Variants in TMEM192 observed in about 807,000 individuals in gnomAD.
TMEM192 encodes transmembrane protein 192.
TMEM192 carries 20 observed loss-of-function variants against 26.7 expected under a neutral mutation model. The ratio of observed to expected loss-of-function variants is 0.75; its 90% confidence interval spans 0.53 to 1.09. The LOEUF (loss-of-function observed/expected upper bound fraction) is 1.09. Among genes scored for constraint, TMEM192 ranks in the 50% least tolerant of loss-of-function variants. The pLI is 0.00. For missense variants in TMEM192, 304 were observed against 322.6 expected (o/e 0.94, Z 0.44); for synonymous variants, 124 against 121.0 (o/e 1.02, Z -0.16).
chr4:165,097,125 G>A (rs1734925999), intron 3 of TMEM192, among the ~76,000 whole-genome samples: 1 of 152,002 alleles, frequency 6.6e-6, no homozygotes, highest in East Asian at 1.9e-4. Flanking sequence ...ACTGCTTCAC[G>A]CTGATATAGC....
intron 3 of TMEM192, among the ~76,000 whole-genome samples, chr4:165,099,316 C>A (rs763981717): frequency 2.6e-5 from 4 of 151,450 alleles, no homozygotes; most frequent in Non-Finnish European, 5.9e-5. Context: ...AAACTCCTGA[C>A]CTCAAGGGAT....
intron 4 of TMEM192, among the ~76,000 whole-genome samples, chr4:165,085,966 G>A (rs190280274): frequency 3.9e-5 from 6 of 152,264 alleles, no homozygotes; most frequent in Non-Finnish European, 5.9e-5. Context: ...TGCATGAAGT[G>A]GATGCTCCTA....
At chr4:165,106,644 T>G (rs1053410844) in intron 1 of TMEM192, among the ~76,000 whole-genome samples, 2 of 152,226 alleles carry the variant, frequency 1.3e-5, no homozygotes, top group South Asian at 4.1e-4. Flanking sequence ...ATTCCTGCCT[T>G]TGGACATCAG....
At position 165,089,708 on chromosome 4, in the gene TMEM192, G is replaced by C. The variant is rs181366208; in HGVS notation, c.440-1106C>G. 3.2e-3 allele frequency among the ~76,000 whole-genome samples: 488 copies of C among 152,204 alleles called. 3 individuals are homozygous for C. The highest frequency in any genetic ancestry group is 5.2e-3 in the Admixed American group (79 of 15,280). ...CCTGCCTTTGGGAAGAAGAGTTCTG[G>C]TTTCTATGACTGGCCAGGGGAGAAA... On this transcript the variant is annotated intron_variant, in intron 3 of 5. Transcript: ENST00000306480.
At chr4:165,102,877 T>A in intron 2 of TMEM192, 73 bp downstream of exon 2, 1 of 1,377,876 alleles carries the variant, frequency 7.3e-7, no homozygotes, top group Non-Finnish European at 9.7e-7. Flanking sequence ...ACAGCACAAC[T>A]GCCCTCTGAA....
intron 1 of TMEM192, among the ~76,000 whole-genome samples, chr4:165,108,835 C>T (rs1367143460): frequency 6.6e-6 from 1 of 152,168 alleles, no homozygotes; most frequent in Non-Finnish European, 1.5e-5. Flanking sequence ...CTCCAGTTAC[C>T]TCGATCTCCT....
intron 3 of TMEM192, among the ~76,000 whole-genome samples, chr4:165,099,844 G>A (rs1269850918): frequency 6.6e-6 from 1 of 152,174 alleles, no homozygotes; most frequent in African/African-American, 2.4e-5. Context: ...AGCTACTCAG[G>A]AGGCTGAGGT....
Position 165,079,722 on chromosome 4 carries a change from A to G in TMEM192, c.752T>C (p.Leu251Pro), listed in dbSNP as rs1353385628. The G allele has an allele frequency of 1.2e-6, 2 of 1,614,016 alleles. No homozygotes were observed. Among genetic ancestry groups the G allele is most frequent in the African/African-American group, 2.7e-5 (2 of 74,940 alleles). ...TIEYLKRHNA[L>P]LSKRLLALTS... ...GAGAGCCAACAATCGCTTACTCAGC[A>G]GCGCATTGTGTCGCTTCAGGTATTC... is the stretch of plus-strand genomic sequence containing the variant. The change falls in exon 6 of 6, where the codon CTG becomes CCG. Residue 251 changes from leucine to proline, a missense_variant. Physicochemically the swap from Leu to Pro is moderately conservative, Grantham distance 98. Coordinates refer to ENST00000306480, the MANE Select transcript of TMEM192 (RefSeq NM_001100389.2).
intron 2 of TMEM192, 119 bp from the exon 3 acceptor site, chr4:165,101,011 C>A: frequency 9.0e-7 from 1 of 1,115,452 alleles, no homozygotes; most frequent in East Asian, 2.8e-5. Flanking sequence ...GAGTCTCACT[C>A]TGTCGCCCAG....
At chr4:165,107,012 T>C (rs760973731) in intron 1 of TMEM192, among the ~76,000 whole-genome samples, 9 of 151,860 alleles carry the variant, frequency 5.9e-5, no homozygotes, top group Non-Finnish European at 1.2e-4. Context: ...CTTCTCAGGA[T>C]TTTTTTTCTC....
At position 165,106,836 on chromosome 4, in the gene TMEM192, C is replaced by A. The variant is rs185869760; in HGVS notation, c.28-3740G>T. On this transcript the variant is annotated intron_variant, in intron 1 of 5. Coordinates refer to ENST00000306480, the MANE Select transcript of TMEM192 (RefSeq NM_001100389.2). ...AGCTTGCAGGTGGCCTATCATGGGA[C>A]TTCACTGTGTAATCTTGTGAGCTAA... Among the ~76,000 whole-genome samples, 25 of 152,250 alleles carry A rather than the reference C, an allele frequency of 1.6e-4. No homozygotes were observed. In the East Asian group the frequency reaches 4.2e-3, roughly 26 times the overall value.
At chr4:165,098,082 A>G (rs1330578204) in intron 3 of TMEM192, among the ~76,000 whole-genome samples, 2 of 151,488 alleles carry the variant, frequency 1.3e-5, no homozygotes, top group Non-Finnish European at 2.9e-5. Flanking sequence ...CAGCCTACCA[A>G]AGTGCTGAGA....
At chr4:165,094,267 C>A (rs999304870) in intron 3 of TMEM192, among the ~76,000 whole-genome samples, 4 of 152,052 alleles carry the variant, frequency 2.6e-5, no homozygotes, top group Non-Finnish European at 5.9e-5. Flanking sequence ...GAACTCCTGG[C>A]CTCAAGTGAC....
At chr4:165,102,398 G>A (rs1174900836) in intron 2 of TMEM192, among the ~76,000 whole-genome samples, 1 of 151,912 alleles carries the variant, frequency 6.6e-6, no homozygotes, top group African/African-American at 2.4e-5. Context: ...TCATTTCAGA[G>A]GCAACTAGGT....
intron 3 of TMEM192, among the ~76,000 whole-genome samples, chr4:165,091,194 G>C (rs963608851): frequency 1.3e-5 from 2 of 152,056 alleles, no homozygotes; most frequent in African/African-American, 4.8e-5. Flanking sequence ...CTGAAACCCG[G>C]GAGGCGGAGC....
chr4:165,102,864 G>T, intron 2 of TMEM192, 86 bp downstream of exon 2: 2 of 1,200,552 alleles, frequency 1.7e-6, no homozygotes, highest in Non-Finnish European at 2.2e-6. Flanking sequence ...AATGTTGATA[G>T]ATACAGCACA....
chr4:165,084,326 G>T (rs1020964161), intron 5 of TMEM192, among the ~76,000 whole-genome samples: 7 of 151,600 alleles, frequency 4.6e-5, no homozygotes, highest in African/African-American at 1.7e-4. Context: ...AGCCTCTCAA[G>T]TAGCTGGGAT....
intron 3 of TMEM192, among the ~76,000 whole-genome samples, chr4:165,097,203 T>C (rs1264198844): frequency 6.6e-6 from 1 of 151,932 alleles, no homozygotes; most frequent in African/African-American, 2.4e-5. Flanking sequence ...TTTAAGAAAA[T>C]GCACTAACAG....
At chr4:165,080,303 T>A (rs1734490320) in intron 5 of TMEM192, among the ~76,000 whole-genome samples, 1 of 152,080 alleles carries the variant, frequency 6.6e-6, no homozygotes. Context: ...TATAAGTATA[T>A]AAAACAAACA....
Sources: gnomAD v4.1 joint callset for allele counts (sites outside exome capture counted in the v4.1 genomes callset) on GRCh38, gnomAD v4.1.1 for gene constraint, MANE v1.5 for transcripts, NCBI Gene and HGNC (gene_info 2026-07-23, HGNC 2026-07-21) for gene names.